TAFA2: variants seen among roughly 807,000 people sequenced by gnomAD.
TAFA2 encodes TAFA chemokine like family member 2, also known as chemokine-like protein TAFA-2.
TAFA2 carries 7 observed loss-of-function variants against 18.8 expected under a neutral mutation model. That is an observed-to-expected ratio of 0.37 (90% confidence interval 0.21 to 0.70). The LOEUF (loss-of-function observed/expected upper bound fraction) is 0.70, where lower values mean the gene tolerates loss of function less well. Ranked by LOEUF, TAFA2 falls within the 30% of genes least tolerant of loss-of-function variation. The pLI is 0.53. For synonymous variants in TAFA2, 60 were observed against 54.2 expected, an observed-to-expected ratio of 1.11 and a Z score of -0.47; for missense variants, 122 against 158.1, an observed-to-expected ratio of 0.77 and a Z score of 1.23.
intron 1 of TAFA2, among the ~76,000 whole-genome samples, chr12:61,941,110 A>G (rs1028738562): frequency 2.0e-5 from 3 of 152,214 alleles, no homozygotes; most frequent in Admixed American, 2.0e-4. Flanking sequence ...TAAAATTTAA[A>G]TACAGATCAT....
At chr12:62,087,409 C>T (rs9738798) in intron 1 of TAFA2, among the ~76,000 whole-genome samples, 17,813 of 151,948 alleles carry the variant, frequency 0.12, 1,163 homozygotes, top group Non-Finnish European at 0.14. Flanking sequence ...GGAAGAAGCC[C>T]GAAAACTACA....
At chr12:62,133,573 C>T (rs1289093589) in intron 1 of TAFA2, among the ~76,000 whole-genome samples, 1 of 151,974 alleles carries the variant, frequency 6.6e-6, no homozygotes, top group Non-Finnish European at 1.5e-5. Context: ...CAAACAGTTC[C>T]GTTAAATACG....
intron 1 of TAFA2, among the ~76,000 whole-genome samples, chr12:62,158,098 C>T (rs919924340): frequency 2.0e-5 from 3 of 152,172 alleles, no homozygotes; most frequent in East Asian, 1.9e-4. Flanking sequence ...AAAGTCAATA[C>T]ATTCATGGTT....
Position 62,197,864 on chromosome 12 carries a change from T to C in TAFA2, c.-130+60899A>G, listed in dbSNP as rs138790635. ...AACCATTCACCTCTTAATGAACATTTGGGTTACTTCTAGTTTGGGGATATT... is the reference window on the plus strand; with the variant it reads ...AACCATTCACCTCTTAATGAACATTCGGGTTACTTCTAGTTTGGGGATATT... On this transcript the variant is annotated intron_variant, in intron 1 of 5. Transcript: ENST00000551619. Among the ~76,000 whole-genome samples, 945 of 152,306 alleles carry C rather than the reference T, an allele frequency of 6.2e-3. 12 individuals carry two copies. Among genetic ancestry groups the C allele is most frequent in the Non-Finnish European group, 7.6e-3 (518 of 68,032 alleles).
intron 2 of TAFA2, among the ~76,000 whole-genome samples, chr12:61,807,175 G>T (rs1871653621): frequency 6.6e-6 from 1 of 151,302 alleles, no homozygotes; most frequent in Non-Finnish European, 1.5e-5. Flanking sequence ...TGTGGGCTGG[G>T]CCCAGGTTCC....
In TAFA2 at chr12:62,104,276, C is replaced by CAAAAA. The variant is rs66467365; in HGVS notation, c.-2+86978_-2+86982dup. ...AATTTGGAATGCTGTTCTTCTGAAG[C>CAAAAA]AAAAAAAAAAAAAGCTAATGTAATG... On this transcript the variant is annotated intron_variant, in intron 1 of 4. Coordinates refer to ENST00000416284, the MANE Select transcript of TAFA2 (RefSeq NM_178539.5). 3.2e-3 allele frequency among the ~76,000 whole-genome samples: 460 copies of CAAAAA among 145,892 alleles called. 3 individuals are homozygous for CAAAAA. The highest frequency in any genetic ancestry group is 6.9e-3 in the Admixed American group (101 of 14,538).
At chr12:61,850,208 A>T (rs2121157700) in intron 2 of TAFA2, among the ~76,000 whole-genome samples, 1 of 152,238 alleles carries the variant, frequency 6.6e-6, no homozygotes, top group South Asian at 2.1e-4. Context: ...AAGTCTAAAG[A>T]AGCTCCTCAG....
intron 1 of TAFA2, among the ~76,000 whole-genome samples, chr12:62,039,249 A>G (rs1881694081): frequency 6.6e-6 from 1 of 152,218 alleles, no homozygotes. Context: ...TGCACCTTAC[A>G]CTAATTCACT....
intron 1 of TAFA2, among the ~76,000 whole-genome samples, chr12:61,891,310 G>A (rs186789324): frequency 5.3e-5 from 8 of 152,224 alleles, no homozygotes; most frequent in Admixed American, 3.3e-4. Flanking sequence ...AGTAGAAGCA[G>A]CAGCAGCAGA....
intron 1 of TAFA2, among the ~76,000 whole-genome samples, chr12:62,153,717 G>A (rs780359422): frequency 2.6e-4 from 39 of 151,592 alleles, no homozygotes; most frequent in Non-Finnish European, 5.0e-4. Flanking sequence ...AAGCAATGTC[G>A]TATAGTGGAA....
At chr12:62,167,195 A>G (rs1400083198) in intron 1 of TAFA2, among the ~76,000 whole-genome samples, 1 of 152,190 alleles carries the variant, frequency 6.6e-6, no homozygotes, top group Non-Finnish European at 1.5e-5. Context: ...TTCTAAAGTT[A>G]CTTATAGAGA....
At chr12:62,098,746 G>A (rs1031917063) in intron 1 of TAFA2, among the ~76,000 whole-genome samples, 2 of 152,112 alleles carry the variant, frequency 1.3e-5, no homozygotes, top group African/African-American at 4.8e-5. Context: ...TCTCTTCAGT[G>A]TAATGATCTG....
chr12:62,084,368 G>C (rs1450796535), intron 1 of TAFA2, among the ~76,000 whole-genome samples: 1 of 152,060 alleles, frequency 6.6e-6, no homozygotes, highest in African/African-American at 2.4e-5. Context: ...TAATAGTACA[G>C]TACAAAGGTA....
intron 2 of TAFA2, among the ~76,000 whole-genome samples, chr12:61,862,990 C>T (rs1874190209): frequency 1.3e-5 from 2 of 152,150 alleles, no homozygotes; most frequent in Admixed American, 1.3e-4. Context: ...TCTGTACCTG[C>T]TATATTCTCA....
At chr12:61,857,994 C>T (rs1873958341) in intron 2 of TAFA2, among the ~76,000 whole-genome samples, 1 of 152,158 alleles carries the variant, frequency 6.6e-6, no homozygotes. Context: ...GCTTTAACAG[C>T]ATTAGCAGAG....
chr12:61,986,155 CTTCTTTTTTTT>C (rs1446895857), intron 1 of TAFA2, among the ~76,000 whole-genome samples: 64 of 107,904 alleles, frequency 5.9e-4, no homozygotes, highest in Admixed American at 2.1e-3. Flanking sequence ...AATCTAAGCT[CTTCTTTTTTTT>C]TTTTTTTTTT....
intron 1 of TAFA2, among the ~76,000 whole-genome samples, chr12:62,094,636 C>T (rs553934961): frequency 1.3e-4 from 19 of 151,940 alleles, no homozygotes; most frequent in Non-Finnish European, 2.4e-4. Context: ...TTTTGGCTAA[C>T]ATTGAATGCT....
At chr12:62,066,126 CGT>C (rs3221978) in intron 1 of TAFA2, among the ~76,000 whole-genome samples, 276 of 145,464 alleles carry the variant, frequency 1.9e-3, no homozygotes, top group East Asian at 6.0e-3. Context: ...CTGAAACAGC[CGT>C]GTGTGTGTGT....
At chr12:62,255,427 T>G (rs899788532) in intron 1 of TAFA2, 2 of 152,238 alleles carry the variant, frequency 1.3e-5, no homozygotes, top group Non-Finnish European at 2.9e-5. Context: ...AACACTTTCT[T>G]GAAAGTTTCC....
Sources: gnomAD v4.1 joint callset for allele counts (sites outside exome capture counted in the v4.1 genomes callset) on GRCh38, gnomAD v4.1.1 for gene constraint, MANE v1.5 for transcripts, NCBI Gene and HGNC (gene_info 2026-07-23, HGNC 2026-07-21) for gene names.